The following PTPRZ1 variants were observed in gnomAD, a reference collection of about 807,000 sequenced individuals.
PTPRZ1 encodes the protein receptor-type tyrosine-protein phosphatase zeta.
A neutral mutation model predicts 214.1 loss-of-function variants in PTPRZ1; 82 were observed. The ratio of observed to expected loss-of-function variants is 0.38; its 90% confidence interval spans 0.32 to 0.46. The LOEUF (loss-of-function observed/expected upper bound fraction) is 0.46, where lower values mean the gene tolerates loss of function less well. Among genes scored for constraint, PTPRZ1 ranks in the 20% least tolerant of loss-of-function variants. The probability of loss-of-function intolerance (pLI) is 1.00; values close to 1 mark genes in which losing one functional copy is unlikely to be tolerated. For synonymous variants in PTPRZ1, 945 were observed against 987.9 expected, an observed-to-expected ratio of 0.96 and a Z score of 0.81; for missense variants, 2,603 against 2,748.7, an observed-to-expected ratio of 0.95 and a Z score of 1.19.
chr7:121,927,727 C>G (rs1795805592), intron 1 of PTPRZ1, among the ~76,000 whole-genome samples: 1 of 152,180 alleles, frequency 6.6e-6, no homozygotes, highest in African/African-American at 2.4e-5. Context: ...TCTGGGTACA[C>G]TAGAAGCATT....
At chr7:122,014,514 C>G (rs1798787892) in intron 12 of PTPRZ1, among the ~76,000 whole-genome samples, 1 of 152,112 alleles carries the variant, frequency 6.6e-6, no homozygotes, top group Non-Finnish European at 1.5e-5. Context: ...TCTCGGCTTA[C>G]TACAAGCTCC....
At position 122,036,683 on chromosome 7, in the gene PTPRZ1, GT is replaced by G; in HGVS notation, c.5367+2del. 6.3e-7 allele frequency: 1 copy of G among 1,589,224 alleles called. No individual in the cohort carries two copies. Among genetic ancestry groups the G allele is most frequent in the Non-Finnish European group, 8.6e-7 (1 of 1,158,086 alleles). ...TTATATCAATGCCAATTATGTTGAT[GT>G]AAGCATGTTTTAATTGAAAATTTTA... On this transcript the variant is annotated splice_donor_variant, in intron 18 of 29. Transcript: ENST00000393386. LOFTEE classifies it high-confidence loss of function.
chr7:121,977,417 G>A (rs1797474138), intron 6 of PTPRZ1, among the ~76,000 whole-genome samples: 1 of 152,226 alleles, frequency 6.6e-6, no homozygotes, highest in South Asian at 2.1e-4. Context: ...CACAACAAAT[G>A]CTTTTAACAA....
At chr7:122,052,763 C>T (rs1792225910) in intron 25 of PTPRZ1, among the ~76,000 whole-genome samples, 1 of 152,158 alleles carries the variant, frequency 6.6e-6, no homozygotes, top group South Asian at 2.1e-4. Context: ...AGATGTCTCC[C>T]TGGTTCCTCT....
rs73440959 is a variant in PTPRZ1, at chr7:122,046,899, A to G, written c.6084+2331A>G. Among the ~76,000 whole-genome samples, 962 of 152,322 alleles carry G rather than the reference A, an allele frequency of 6.3e-3. 7 individuals carry two copies. Among genetic ancestry groups the G allele is most frequent in the African/African-American group, 0.021 (885 of 41,558 alleles). Reference sequence around the variant, plus strand: ...TCCTTGAAGCCTCGGAATTGGATAAAATAGCCAATTAAAAATGAAATGTCT... The same window carrying G: ...TCCTTGAAGCCTCGGAATTGGATAAGATAGCCAATTAAAAATGAAATGTCT... On this transcript the variant is annotated intron_variant, in intron 23 of 29. Transcript: ENST00000393386.
At chr7:121,931,147 A>G (rs1795909545) in intron 2 of PTPRZ1, among the ~76,000 whole-genome samples, 1 of 152,052 alleles carries the variant, frequency 6.6e-6, no homozygotes, top group Admixed American at 6.5e-5. Context: ...TTATATTTTT[A>G]TTTTTAATTC....
At position 121,928,217 on chromosome 7, in the gene PTPRZ1, T is replaced by C. The variant is rs2116372563; in HGVS notation, c.120T>C (p.Tyr40=). 12 of 1,604,318 alleles carry C rather than the reference T, an allele frequency of 7.5e-6. No individual in the cohort carries two copies. Among genetic ancestry groups the C allele is most frequent in the Non-Finnish European group, 9.4e-6 (11 of 1,172,014 alleles). ...RKLVEEIGWS[Y]TGALNQKNWG... ...TTGTTGAAGAGATTGGCTGGTCCTA[T>C]ACAGGTAAACATATTACTTATATAA... The change falls in exon 2 of 30, where the codon TAT becomes TAC. Residue 40 remains tyrosine (Y), a synonymous_variant. Coordinates refer to ENST00000393386, the MANE Select transcript of PTPRZ1 (RefSeq NM_002851.3).
chr7:121,972,931 T>TAACG (rs113083489), intron 4 of PTPRZ1, among the ~76,000 whole-genome samples: 1 of 151,450 alleles, frequency 6.6e-6, no homozygotes, highest in Admixed American at 6.6e-5. Context: ...GCTGATGAAT[T>TAACG]AATGAAGGAA....
At chr7:121,938,530 T>A (rs1486594449) in intron 2 of PTPRZ1, among the ~76,000 whole-genome samples, 3 of 152,236 alleles carry the variant, frequency 2.0e-5, no homozygotes, top group Admixed American at 2.0e-4. Context: ...GTTAAGCTCC[T>A]GCCTTCCCAT....
chr7:122,038,702 AAAG>A, intron 18 of PTPRZ1, 50 bp from the exon 19 acceptor site: 1 of 1,570,330 alleles, frequency 6.4e-7, no homozygotes, highest in Non-Finnish European at 8.7e-7. Flanking sequence ...TTGTACAGTT[AAAG>A]ATGACATATA....
chr7:121,921,887 C>G (rs1795608362), intron 1 of PTPRZ1, among the ~76,000 whole-genome samples: 1 of 152,278 alleles, frequency 6.6e-6, no homozygotes, highest in East Asian at 1.9e-4. Context: ...ACAAACCATA[C>G]TATCTGAATT....
chr7:121,968,215 A>G, intron 3 of PTPRZ1, 85 bp downstream of exon 3: 1 of 1,234,846 alleles, frequency 8.1e-7, no homozygotes, highest in Non-Finnish European at 1.1e-6. Context: ...TTTTCCTTTG[A>G]ATAGTGTACT....
intron 3 of PTPRZ1, among the ~76,000 whole-genome samples, chr7:121,969,295 C>T (rs1263262633): frequency 6.6e-6 from 1 of 152,078 alleles, no homozygotes; most frequent in African/African-American, 2.4e-5. Context: ...GGCGCAGTGG[C>T]TCACGCCTGT....
intron 10 of PTPRZ1, among the ~76,000 whole-genome samples, chr7:122,000,719 C>T (rs1360260777): frequency 7.9e-6 from 1 of 126,252 alleles, no homozygotes; most frequent in Non-Finnish European, 1.6e-5. Context: ...TGGAGTCTTG[C>T]TCTGTCACCC....
At chr7:121,944,937 C>T (rs1020385220) in intron 2 of PTPRZ1, among the ~76,000 whole-genome samples, 8 of 152,172 alleles carry the variant, frequency 5.3e-5, no homozygotes, top group African/African-American at 1.7e-4. Flanking sequence ...CCACCATACC[C>T]GGCCCAGATT....
At chr7:122,001,957 T>G (rs975171016) in intron 10 of PTPRZ1, among the ~76,000 whole-genome samples, 1 of 152,082 alleles carries the variant, frequency 6.6e-6, no homozygotes, top group Non-Finnish European at 1.5e-5. Flanking sequence ...ATTTAATATA[T>G]TGGTAGTGCC....
chr7:122,009,770 T>A (rs981864209), intron 11 of PTPRZ1, among the ~76,000 whole-genome samples: 1 of 152,070 alleles, frequency 6.6e-6, no homozygotes, highest in African/African-American at 2.4e-5. Flanking sequence ...TGCCTAAGTC[T>A]TAAGTGGAAA....
intron 13 of PTPRZ1, chr7:122,028,325 A>G (rs1323968513): frequency 5.1e-6 from 2 of 388,590 alleles, no homozygotes; most frequent in East Asian, 4.9e-5. Flanking sequence ...AGCATGCCTG[A>G]TATCTACTTG....
intron 11 of PTPRZ1, 105 bp from the exon 12 acceptor site, chr7:122,010,229 G>C: frequency 8.9e-7 from 1 of 1,124,004 alleles, no homozygotes; most frequent in Non-Finnish European, 1.3e-6. Context: ...ATGAGGATGA[G>C]AAGTTCCCAA....
Sources: gnomAD v4.1 joint callset for allele counts (sites outside exome capture counted in the v4.1 genomes callset) on GRCh38, gnomAD v4.1.1 for gene constraint, MANE v1.5 for transcripts, NCBI Gene and HGNC (gene_info 2026-07-23, HGNC 2026-07-21) for gene names.